The following XIRP2 variants were observed in gnomAD, a reference collection of about 807,000 sequenced individuals.
The protein encoded by XIRP2 is xin actin binding repeat containing 2, also known as xin actin-binding repeat-containing protein 2.
A neutral mutation model predicts 277.0 loss-of-function variants in XIRP2; 236 were observed. The ratio of observed to expected loss-of-function variants is 0.85; its 90% CI spans 0.77 to 0.95. The LOEUF is 0.95. XIRP2 is among the 40% of genes least tolerant of loss of function. XIRP2 has a pLI of 0.00. For synonymous variants in XIRP2, 1,490 were observed against 1,416.5 expected, an observed-to-expected ratio of 1.05 and a Z score of -1.17; for missense variants, 4,640 against 4,157.5, an observed-to-expected ratio of 1.12 and a Z score of -3.19.
intron 2 of XIRP2, among the ~76,000 whole-genome samples, chr2:167,123,710 A>G (rs553755836): frequency 2.6e-5 from 4 of 152,066 alleles, no homozygotes; most frequent in South Asian, 4.2e-4. Context: ...TATGGGTCCA[A>G]ATTTCTTCTG....
chr2:167,119,703 C>T (rs1690999118), intron 2 of XIRP2, among the ~76,000 whole-genome samples: 1 of 152,182 alleles, frequency 6.6e-6, no homozygotes, highest in Non-Finnish European at 1.5e-5. Flanking sequence ...CTAAAGACTA[C>T]AGAGATAATT....
At chr2:167,033,927 A>G (rs1688436302) in intron 2 of XIRP2, among the ~76,000 whole-genome samples, 1 of 152,332 alleles carries the variant, frequency 6.6e-6, no homozygotes, top group South Asian at 2.1e-4. Context: ...AAAAGAAATT[A>G]GCTGAAGGTT....
chr2:167,179,324 T>TTCTTTTTTTTC (rs1692941659), intron 3 of XIRP2, among the ~76,000 whole-genome samples: 2 of 125,372 alleles, frequency 1.6e-5, no homozygotes, highest in Admixed American at 8.0e-5. Flanking sequence ...TTTTTTCTTG[T>TTCTTTTTTTTC]TTTTTTTTTT....
chr2:166,908,140 T>C (rs1684580870), intron 2 of XIRP2, among the ~76,000 whole-genome samples: 1 of 152,134 alleles, frequency 6.6e-6, no homozygotes, highest in Non-Finnish European at 1.5e-5. Flanking sequence ...AATAATGGGA[T>C]GGCTGGGTTA....
chr2:167,119,730 A>C (rs1690999796), intron 2 of XIRP2, among the ~76,000 whole-genome samples: 1 of 152,240 alleles, frequency 6.6e-6, no homozygotes, highest in East Asian at 1.9e-4. Context: ...CAAAGCACAC[A>C]GTTTCAGAAT....
At chr2:167,255,759 G>A (rs1440064607) in intron 10 of XIRP2, among the ~76,000 whole-genome samples, 1 of 151,754 alleles carries the variant, frequency 6.6e-6, no homozygotes, top group Non-Finnish European at 1.5e-5. Context: ...TGTTTCTGCA[G>A]TTGTTCTGAT....
At chr2:166,936,342 T>C (rs1685500840) in intron 2 of XIRP2, among the ~76,000 whole-genome samples, 1 of 152,160 alleles carries the variant, frequency 6.6e-6, no homozygotes, top group Non-Finnish European at 1.5e-5. Flanking sequence ...ATTGCAAAAA[T>C]TTTCTCCCAT....
chr2:167,177,379 A>G (rs181769948), intron 3 of XIRP2, among the ~76,000 whole-genome samples: 9 of 152,290 alleles, frequency 5.9e-5, no homozygotes, highest in Admixed American at 1.3e-4. Flanking sequence ...TTGTTATTTT[A>G]AGAATGTTTT....
chr2:166,896,136 G>A (rs768890639), intron 1 of XIRP2, among the ~76,000 whole-genome samples: 8 of 152,100 alleles, frequency 5.3e-5, no homozygotes, highest in South Asian at 4.1e-4. Flanking sequence ...CTGCATATAC[G>A]GTGGTGGTCC....
At chr2:167,036,752 C>T (rs188914213) in intron 2 of XIRP2, among the ~76,000 whole-genome samples, 1 of 152,170 alleles carries the variant, frequency 6.6e-6, no homozygotes, top group African/African-American at 2.4e-5. Flanking sequence ...GCTGTGTCCC[C>T]ACCCAAATCT....
intron 2 of XIRP2, among the ~76,000 whole-genome samples, chr2:167,075,130 T>G (rs1375716788): frequency 6.6e-6 from 1 of 152,244 alleles, no homozygotes; most frequent in Non-Finnish European, 1.5e-5. Context: ...CATTTTTGTA[T>G]CCCTAGCACC....
intron 2 of XIRP2, among the ~76,000 whole-genome samples, chr2:167,034,750 A>G (rs539716735): frequency 6.6e-6 from 1 of 152,338 alleles, no homozygotes; most frequent in South Asian, 2.1e-4. Context: ...AATTTTAAAT[A>G]TTTACGCACC....
chr2:166,918,824 ATC>A (rs1684958571), intron 2 of XIRP2, among the ~76,000 whole-genome samples: 1 of 152,178 alleles, frequency 6.6e-6, no homozygotes, highest in South Asian at 2.1e-4. Context: ...TCTGAGGACC[ATC>A]TTTCTTAATT....
At chr2:167,065,709 A>G (rs1689286987) in intron 2 of XIRP2, among the ~76,000 whole-genome samples, 1 of 151,888 alleles carries the variant, frequency 6.6e-6, no homozygotes, top group South Asian at 2.1e-4. Flanking sequence ...TGAGATCCAA[A>G]TTTCCATCAG....
At chr2:167,156,909 T>C (rs1574306326) in intron 3 of XIRP2, among the ~76,000 whole-genome samples, 1 of 152,314 alleles carries the variant, frequency 6.6e-6, no homozygotes, top group African/African-American at 2.4e-5. Flanking sequence ...ACTTCAAGGA[T>C]AGTTCAGTTG....
intron 2 of XIRP2, among the ~76,000 whole-genome samples, chr2:167,088,694 C>T (rs529657605): frequency 3.3e-5 from 5 of 152,272 alleles, no homozygotes; most frequent in Admixed American, 3.3e-4. Flanking sequence ...ACTGGCCTTC[C>T]TCAATTCCCC....
intron 2 of XIRP2, among the ~76,000 whole-genome samples, chr2:167,001,553 C>T (rs963403904): frequency 2.6e-5 from 4 of 152,036 alleles, no homozygotes; most frequent in African/African-American, 7.2e-5. Context: ...CTAGAAATAA[C>T]GCTATCAGTC....
At position 167,258,989 on chromosome 2, in the gene XIRP2, T is replaced by G. The variant is rs1453005560; in HGVS notation, c.*1172T>G. The stretch of plus-strand genomic sequence containing the variant: ...GGTAAAGGGGGGAAGTTCAATCATC[T>G]CTCCTGATACAAATCTCTTAAACAT... On this transcript the variant is annotated 3_prime_UTR_variant, in exon 11 of 11. Transcript: ENST00000409195. 1 of 1,611,326 alleles carries G rather than the reference T, an allele frequency of 6.2e-7. No individual in the cohort carries two copies. Among genetic ancestry groups the G allele is most frequent in the South Asian group, 1.1e-5 (1 of 90,780 alleles).
At chr2:166,922,541 T>C (rs2105359046) in intron 2 of XIRP2, among the ~76,000 whole-genome samples, 1 of 152,188 alleles carries the variant, frequency 6.6e-6, no homozygotes, top group African/African-American at 2.4e-5. Flanking sequence ...TGGCTTGTGC[T>C]AATGTCCAGA....
Sources: gnomAD v4.1 joint callset for allele counts (sites outside exome capture counted in the v4.1 genomes callset) on GRCh38, gnomAD v4.1.1 for gene constraint, MANE v1.5 for transcripts, NCBI Gene and HGNC (gene_info 2026-07-23, HGNC 2026-07-21) for gene names.